Variants in STAMBP observed in about 807,000 individuals in gnomAD.
STAMBP encodes STAM binding protein.
Under a neutral mutation model 50.7 loss-of-function variants are expected in STAMBP, and 31 were observed. The observed-to-expected ratio is 0.61, with a 90% CI of 0.46 to 0.83. The LOEUF is 0.83. Among genes scored for constraint, STAMBP ranks in the 40% least tolerant of loss-of-function variants. STAMBP has a pLI of 0.00. For synonymous variants in STAMBP, 211 were observed against 192.4 expected (o/e 1.10, Z -0.80); for missense variants, 472 against 518.9 (o/e 0.91, Z 0.88).
downstream of STAMBP, among the ~76,000 whole-genome samples, chr2:73,869,018 A>G (rs991427709): frequency 8.5e-5 from 13 of 152,236 alleles, no homozygotes; most frequent in Admixed American, 7.2e-4. Flanking sequence ...CTATTATTGA[A>G]CAGTGTCCTG....
rs755745726 is a variant in STAMBP at position 73,829,474 on chromosome 2, G to A, written c.-49G>A. On this transcript the variant is annotated 5_prime_UTR_variant, in exon 1 of 10. Transcript: ENST00000394070. Reference sequence around the variant, plus strand: ...GCGCCGCTTCCTGGCCTTGGGAGGTGGTTCCTTTCTTAACCCACAAGAACC... The same window carrying A: ...GCGCCGCTTCCTGGCCTTGGGAGGTAGTTCCTTTCTTAACCCACAAGAACC... 3 of 152,188 alleles carry A rather than the reference G, an allele frequency of 2.0e-5. No individual in the cohort carries two copies. Among genetic ancestry groups the A allele is most frequent in the Non-Finnish European group, 2.9e-5 (2 of 68,072 alleles). 9.4% of individuals were successfully genotyped at this position (152,188 alleles called of 1,614,324 possible).
At chr2:73,843,946 C>G (rs919643757) in intron 2 of STAMBP, among the ~76,000 whole-genome samples, 1 of 152,174 alleles carries the variant, frequency 6.6e-6, no homozygotes, top group African/African-American at 2.4e-5. Flanking sequence ...TCCAGTAGTT[C>G]TAGACATTCC....
At chr2:73,834,056 C>A (rs1674277059) in intron 2 of STAMBP, among the ~76,000 whole-genome samples, 1 of 150,360 alleles carries the variant, frequency 6.7e-6, no homozygotes, top group South Asian at 2.1e-4. Context: ...ACTAAAAATA[C>A]AAAAATTAGC....
In STAMBP at chr2:73,845,096, A is replaced by G. The variant is rs1456563438; in HGVS notation, c.280-71A>G. 2.5e-6 allele frequency: 4 copies of G among 1,591,256 alleles called. No homozygotes were observed. The African/African-American group carries it at 4.1e-5, about 16-fold the overall frequency. ...GGGAAATGTTGCAGTCACCAACTTG[A>G]CTTAAGTCTTCTTTTGGATTCTGTA... is the stretch of plus-strand genomic sequence containing the variant. On this transcript the variant is annotated intron_variant, in intron 3 of 9. Transcript: ENST00000394070.
chr2:73,858,984 A>G (rs958961142), intron 7 of STAMBP, among the ~76,000 whole-genome samples: 3 of 152,004 alleles, frequency 2.0e-5, no homozygotes, highest in African/African-American at 7.3e-5. Flanking sequence ...TTTTTTTCCT[A>G]TACATGCATA....
intron 7 of STAMBP, among the ~76,000 whole-genome samples, chr2:73,854,639 C>G (rs1370676984): frequency 6.6e-6 from 1 of 152,110 alleles, no homozygotes; most frequent in African/African-American, 2.4e-5. Context: ...CTGTGCCCAG[C>G]TAGTTCAGCT....
intron 8 of STAMBP, 80 bp downstream of exon 8, chr2:73,859,446 T>TG (rs1373838839): frequency 3.2e-5 from 36 of 1,112,088 alleles, no homozygotes; most frequent in Non-Finnish European, 4.8e-5. Context: ...TCTCTATTCT[T>TG]GTGGACTTGT....
downstream of STAMBP, among the ~76,000 whole-genome samples, chr2:73,868,384 A>C (rs1189284651): frequency 6.6e-6 from 1 of 152,104 alleles, no homozygotes; most frequent in Non-Finnish European, 1.5e-5. Flanking sequence ...ATGGCAGCCC[A>C]GGTCTACCTG....
chr2:73,852,789 T>A lies in STAMBP; in HGVS notation c.1005+2276T>A, dbSNP rs181592368. ...GCCTCCCAGGTTCAAGTGATTCTCCTGCCTCAGTGTCCTGAGTAGCTGTGA... is the reference window on the plus strand; with the variant it reads ...GCCTCCCAGGTTCAAGTGATTCTCCAGCCTCAGTGTCCTGAGTAGCTGTGA... On this transcript the variant is annotated intron_variant, in intron 7 of 9. Coordinates refer to ENST00000394070, the MANE Select transcript of STAMBP (RefSeq NM_213622.4). Among the ~76,000 whole-genome samples, 349 of 151,900 alleles carry A rather than the reference T, an allele frequency of 2.3e-3. 6 individuals carry two copies. Among genetic ancestry groups the A allele is most frequent in the Non-Finnish European group, 4.4e-4 (30 of 67,932 alleles).
At chr2:73,840,753 A>AT (rs112998801) in intron 2 of STAMBP, among the ~76,000 whole-genome samples, 5,412 of 151,136 alleles carry the variant, frequency 0.036, 331 homozygotes, top group African/African-American at 0.12. Flanking sequence ...CAAAAAAAAA[A>AT]AAATAAATAA....
intron 8 of STAMBP, 41 bp from the exon 9 acceptor site, chr2:73,860,011 C>T: frequency 1.4e-6 from 2 of 1,469,120 alleles, no homozygotes; most frequent in Non-Finnish European, 1.9e-6. Context: ...GATGGAGGGA[C>T]ACCTTTGCTT....
intron 2 of STAMBP, among the ~76,000 whole-genome samples, chr2:73,840,675 T>G (rs1266591955): frequency 2.7e-5 from 4 of 148,948 alleles, no homozygotes; most frequent in Non-Finnish European, 5.9e-5. Flanking sequence ...ACCTGGGAGG[T>G]AGAGGTTGCA....
intron 9 of STAMBP, among the ~76,000 whole-genome samples, chr2:73,861,842 A>C (rs2104706269): frequency 6.6e-6 from 1 of 151,842 alleles, no homozygotes; most frequent in South Asian, 2.1e-4. Context: ...GTGGTTTTTT[A>C]AAATGACTTT....
At chr2:73,868,476 A>G (rs945853409), downstream of STAMBP, among the ~76,000 whole-genome samples, 1 of 152,138 alleles carries the variant, frequency 6.6e-6, no homozygotes, top group South Asian at 2.1e-4. Context: ...CACTGATATA[A>G]TATATCACAG....
At chr2:73,830,539 G>A (rs1673769281) in intron 1 of STAMBP, among the ~76,000 whole-genome samples, 1 of 152,234 alleles carries the variant, frequency 6.6e-6, no homozygotes, top group Non-Finnish European at 1.5e-5. Flanking sequence ...GCCCCCTAAT[G>A]GCAAAGGATT....
downstream of STAMBP, among the ~76,000 whole-genome samples, chr2:73,867,828 A>T (rs1558607689): frequency 6.6e-6 from 1 of 152,162 alleles, no homozygotes; most frequent in Non-Finnish European, 1.5e-5. Flanking sequence ...AGAAATAAGT[A>T]CTAAAGCAGA....
chr2:73,831,147 A>G, intron 2 of STAMBP, 88 bp downstream of exon 2: 1 of 1,056,604 alleles, frequency 9.5e-7, no homozygotes, highest in Non-Finnish European at 1.5e-6. Context: ...AGAACTTCAC[A>G]ATATCATCAA....
downstream of STAMBP, among the ~76,000 whole-genome samples, chr2:73,871,060 G>A (rs1226498164): frequency 2.6e-5 from 4 of 152,108 alleles, no homozygotes; most frequent in Admixed American, 2.0e-4. Flanking sequence ...GTGAGCCACT[G>A]TGCCTTGGCC....
intron 7 of STAMBP, among the ~76,000 whole-genome samples, chr2:73,855,080 TC>T (rs1677374188): frequency 6.6e-6 from 1 of 152,214 alleles, no homozygotes; most frequent in South Asian, 2.1e-4. Flanking sequence ...AGTTCTTCCT[TC>T]TTAACCTTGT....
Sources: gnomAD v4.1 joint callset for allele counts (sites outside exome capture counted in the v4.1 genomes callset) on GRCh38, gnomAD v4.1.1 for gene constraint, MANE v1.5 for transcripts, NCBI Gene and HGNC (gene_info 2026-07-23, HGNC 2026-07-21) for gene names.